The following SPEG variants were observed in gnomAD, a reference collection of about 807,000 sequenced individuals.
SPEG encodes the protein striated muscle enriched protein kinase.
Under a neutral mutation model 300.4 loss-of-function variants are expected in SPEG, and 114 were observed. The ratio of observed to expected loss-of-function variants is 0.38; its 90% CI spans 0.33 to 0.44. SPEG has a LOEUF of 0.44. SPEG is among the 20% of genes least tolerant of loss of function. SPEG has a pLI of 1.00. For synonymous variants in SPEG, 1,964 were observed against 2,018.9 expected, an observed-to-expected ratio of 0.97 and a Z score of 0.73; for missense variants, 4,201 against 4,586.2, an observed-to-expected ratio of 0.92 and a Z score of 2.43.
At chr2:219,450,405 T>C (rs865875632) in intron 4 of SPEG, among the ~76,000 whole-genome samples, 1 of 152,246 alleles carries the variant, frequency 6.6e-6, no homozygotes, top group African/African-American at 2.4e-5. Context: ...TTTTTGGCTA[T>C]GTACATTGTC....
At position 219,435,080 on chromosome 2, in the gene SPEG, G is replaced by C; in HGVS notation, c.103G>C (p.Ala35Pro). 2 of 1,468,086 alleles carry C rather than the reference G, an allele frequency of 1.4e-6. No homozygotes were observed. Among genetic ancestry groups the C allele is most frequent in the Non-Finnish European group, 1.8e-6 (2 of 1,119,716 alleles). 90.9% of individuals were successfully genotyped at this position (1,468,086 alleles called of 1,614,324 possible). ...GGCCAAGGTGGGGGCCGGCGGCGGG[G>C]CTCCTGTGGCCGTGGCCGGGGCGCC... is the stretch of plus-strand genomic sequence containing the variant. Reference protein sequence around the residue: ...KRAKVGAGGGAPVAVAGAPVF... With the variant: ...KRAKVGAGGGPPVAVAGAPVF... Residue 35 changes from alanine to proline, a missense_variant, in exon 1 of 41, where the codon GCT becomes CCT. Physicochemically the swap from Ala to Pro is conservative, Grantham distance 27. Around this residue, in one of 4 missense-constraint regions of SPEG, gnomAD observed 1,258 missense variants for 1,293.9 expected, o/e 0.97. Transcript: ENST00000312358.
At position 219,473,479 on chromosome 2, in the gene SPEG, A is replaced by G. The variant is rs1692070183; in HGVS notation, c.4148-25A>G. 1 of 1,612,320 alleles carries G rather than the reference A, an allele frequency of 6.2e-7. No homozygotes were observed. On this transcript the variant is annotated intron_variant, in intron 16 of 40. Coordinates refer to ENST00000312358, the MANE Select transcript of SPEG (RefSeq NM_005876.5). The surrounding 1 kb of genome is among the most constrained non-coding windows in gnomAD (Gnocchi z 4.6). The stretch of plus-strand genomic sequence containing the variant: ...GAGGACCTGATGTCAAGCCCAGCAC[A>G]GAGCCTGCGCTCTCCTCCTCCCAGG...
rs1411322336 is a variant in SPEG at position 219,448,077 on chromosome 2, G to A, written c.919G>A (p.Ala307Thr). 10 of 1,608,592 alleles carry A rather than the reference G, an allele frequency of 6.2e-6. No homozygotes were observed. The highest frequency in any genetic ancestry group is 8.5e-6 in the Non-Finnish European group (10 of 1,178,180). The change falls in exon 4 of 41, where the codon GCG becomes ACG. Residue 307 changes from alanine (A) to threonine (T), a missense_variant. Around this residue, in one of 4 missense-constraint regions of SPEG, gnomAD observed 1,258 missense variants for 1,293.9 expected, o/e 0.97. Transcript: ENST00000312358. ...TGCCCAGCCGCCTCCTTCCAAATCCGCGCTGCTCCCCCCACCGTCCCCTCG... is the reference window on the plus strand; with the variant it reads ...TGCCCAGCCGCCTCCTTCCAAATCCACGCTGCTCCCCCCACCGTCCCCTCG... ...RPAQPPPSKS[A>T]LLPPPSPRVG... is the part of the protein sequence containing the mutation.
intron 36 of SPEG, among the ~76,000 whole-genome samples, chr2:219,490,161 T>C (rs1004611696): frequency 2.6e-5 from 4 of 152,242 alleles, no homozygotes; most frequent in African/African-American, 9.6e-5. Flanking sequence ...ACTGCGCTAT[T>C]AGCATCACCC....
intron 18 of SPEG, among the ~76,000 whole-genome samples, chr2:219,475,514 G>A (rs966803856): frequency 2.6e-5 from 4 of 152,290 alleles, no homozygotes; most frequent in East Asian, 1.9e-4. Context: ...GACAGGGAAC[G>A]CTTCTGGCCG....
chr2:219,451,199 TC>T lies in SPEG; in HGVS notation c.2182del (p.Leu728CysfsTer82). On this transcript the variant is annotated frameshift_variant, in exon 5 of 41. Transcript: ENST00000312358. LOFTEE classifies it high-confidence loss of function. This position sits in a 1 kb window ranked among gnomAD's most constrained non-coding sequence, Gnocchi z 6.4. ...EEPLEAPVFE[I>X]PLQNVVVAPG... is the part of the protein sequence containing the mutation. ...CCCCTAGAGGCCCCTGTGTTTGAGA[TC>T]CCCCTGCAGAATGTGGTGGTGGCAC... is the stretch of plus-strand genomic sequence containing the variant. 1 of 1,613,770 alleles carries T rather than the reference TC, an allele frequency of 6.2e-7. No individual in the cohort carries two copies. The highest frequency in any genetic ancestry group is 8.5e-7 in the Non-Finnish European group (1 of 1,179,932).
chr2:219,436,518 CT>C (rs1300270820), intron 1 of SPEG, among the ~76,000 whole-genome samples: 4 of 152,198 alleles, frequency 2.6e-5, no homozygotes, highest in Non-Finnish European at 5.9e-5. Flanking sequence ...CTGGGTGCTG[CT>C]GTGTAGGGGT....
At chr2:219,461,781 G>T (rs965569287) in intron 6 of SPEG, 101 bp from the exon 7 acceptor site, 6 of 1,268,176 alleles carry the variant, frequency 4.7e-6, no homozygotes, top group Non-Finnish European at 6.8e-6. Flanking sequence ...CCGGCCTGCG[G>T]GGAGCTGCCG....
chr2:219,479,247 C>T lies in SPEG; in HGVS notation c.5085+46C>T, dbSNP rs528801303. The T allele has an allele frequency of 2.6e-6, 4 of 1,545,620 alleles. No individual in the cohort carries two copies. Among genetic ancestry groups the T allele is most frequent in the East Asian group, 4.5e-5 (2 of 44,524 alleles). On this transcript the variant is annotated intron_variant, in intron 23 of 40. Transcript: ENST00000312358. The surrounding 1 kb of genome is among the most constrained non-coding windows in gnomAD (Gnocchi z 5.5). ...GGGCCAGGTTGGGCACCAGCCTTCA[C>T]CCACCTGAGCTTTGAGAACCAACAA...
intron 22 of SPEG, among the ~76,000 whole-genome samples, chr2:219,478,633 T>C (rs1169171961): frequency 1.3e-5 from 2 of 152,216 alleles, no homozygotes; most frequent in Non-Finnish European, 2.9e-5. Flanking sequence ...GTAAGGATGC[T>C]GGGTGATTGG....
intron 13 of SPEG, among the ~76,000 whole-genome samples, chr2:219,470,122 T>C (rs6436152): frequency 0.97 from 146,996 of 152,272 alleles, 71,107 homozygotes; most frequent in East Asian, 1. Context: ...CAAAGATCAC[T>C]TTCATTAAGT....
At chr2:219,461,778 G>T in intron 6 of SPEG, 104 bp from the exon 7 acceptor site, 1 of 1,247,834 alleles carries the variant, frequency 8.0e-7, no homozygotes, top group Non-Finnish European at 1.2e-6. Flanking sequence ...GGGCCGGCCT[G>T]CGGGGAGCTG....
chr2:219,483,647 G>A lies in SPEG; in HGVS notation c.6184G>A (p.Glu2062Lys). The change falls in exon 30 of 41, where the codon GAG (glutamate) becomes AAG (lysine). Residue 2062 changes from glutamate (E) to lysine (K), a missense_variant. This residue lies in a region of SPEG where 1,578 missense variants were observed against 1,506.0 expected (regional missense o/e 1.05). Transcript: ENST00000312358. ...GGCCCGGGGAGGCCTGGGTGAGGGC[G>A]AGTATGCCCAGAGGCTGCAGGCCCT... ...RLARGGLGEG[E>K]YAQRLQALRQ... 6.5e-7 allele frequency: 1 copy of A among 1,528,202 alleles called. No homozygotes were observed. Among genetic ancestry groups the A allele is most frequent in the Non-Finnish European group, 8.7e-7 (1 of 1,144,654 alleles). The allele number at this position is 1,528,202 out of a possible 1,614,324, so 94.7% of individuals were successfully genotyped here. A position where few individuals can be genotyped will look rare whatever the true frequency, so the allele number is the denominator to read the frequency against.
At chr2:219,449,309 C>T (rs1190392163) in intron 4 of SPEG, 38 bp downstream of exon 4, 3 of 1,344,842 alleles carry the variant, frequency 2.2e-6, no homozygotes, top group East Asian at 3.1e-5. Context: ...TGCCTGAACC[C>T]CCGTCGGGGG....
intron 18 of SPEG, among the ~76,000 whole-genome samples, chr2:219,474,711 G>A (rs1287833821): frequency 6.6e-6 from 1 of 151,850 alleles, no homozygotes; most frequent in African/African-American, 2.4e-5. Context: ...TCTTATCACC[G>A]AACTGCCAGC....
intron 13 of SPEG, among the ~76,000 whole-genome samples, chr2:219,469,836 T>C (rs1691716544): frequency 6.6e-6 from 1 of 152,094 alleles, no homozygotes; most frequent in Non-Finnish European, 1.5e-5. Flanking sequence ...CCTGGAGACA[T>C]TGCAATGAAA....
At position 219,477,663 on chromosome 2, in the gene SPEG, C is replaced by CT. The variant is rs371132545; in HGVS notation, c.4730-25dup. The CT allele has an allele frequency of 3.8e-4, 585 of 1,539,800 alleles. 5 individuals are homozygous for CT. In the African/African-American group the frequency reaches 7.2e-3, roughly 19 times the overall value. On this transcript the variant is annotated intron_variant, in intron 20 of 40. Transcript: ENST00000312358. The surrounding 1 kb of genome is among the most constrained non-coding windows in gnomAD (Gnocchi z 6.4). ...CCTGCTTGCTTTCTTCCCCTCCCACCTAACACCATGACATCTCTGCCCCAG... is the reference window on the plus strand; with the variant it reads ...CCTGCTTGCTTTCTTCCCCTCCCACCTTAACACCATGACATCTCTGCCCCAG...
At chr2:219,491,350 A>G (rs1443860760) in intron 38 of SPEG, among the ~76,000 whole-genome samples, 1 of 152,198 alleles carries the variant, frequency 6.6e-6, no homozygotes, top group Non-Finnish European at 1.5e-5. Flanking sequence ...TACAGGCCAC[A>G]CTTTACGGAT....
At chr2:219,460,097 G>A (rs1690526580) in intron 6 of SPEG, among the ~76,000 whole-genome samples, 2 of 152,250 alleles carry the variant, frequency 1.3e-5, no homozygotes, top group South Asian at 4.1e-4. Flanking sequence ...TCTTTAGCGG[G>A]GCTAAGGTGG....
Sources: gnomAD v4.1 joint callset for allele counts (sites outside exome capture counted in the v4.1 genomes callset) on GRCh38, gnomAD v4.1.1 for gene constraint, gnomAD v4.1.1 regional missense constraint, Gnocchi (gnomAD v3.1) non-coding constraint, MANE v1.5 for transcripts, NCBI Gene and HGNC (gene_info 2026-07-23, HGNC 2026-07-21) for gene names.